DLG2: variants seen among roughly 807,000 people sequenced by gnomAD.
DLG2 encodes discs large MAGUK scaffold protein 2, also known as disks large homolog 2.
A neutral mutation model predicts 132.5 loss-of-function variants in DLG2; 45 were observed. The ratio of observed to expected loss-of-function variants is 0.34; its 90% CI spans 0.27 to 0.44. DLG2 has a LOEUF of 0.44. DLG2 is among the 20% of genes least tolerant of loss of function. DLG2 has a pLI of 1.00. For missense variants in DLG2, 1,045 were observed against 1,196.9 expected (o/e 0.87, Z 1.87); for synonymous variants, 424 against 419.6 (o/e 1.01, Z -0.13).
intron 7 of DLG2, among the ~76,000 whole-genome samples, chr11:84,362,885 A>G (rs894020567): frequency 1.9e-4 from 29 of 152,180 alleles, no homozygotes; most frequent in Non-Finnish European, 3.2e-4. Context: ...TATATGTGCC[A>G]TATTTTCTTA....
intron 17 of DLG2, among the ~76,000 whole-genome samples, chr11:83,797,165 G>A (rs754431523): frequency 1.3e-5 from 2 of 152,104 alleles, no homozygotes; most frequent in Non-Finnish European, 2.9e-5. Flanking sequence ...GGAAGCAGTT[G>A]TTACTGAAGG....
chr11:84,246,705 T>C (rs1215984821), intron 8 of DLG2, among the ~76,000 whole-genome samples: 2 of 152,124 alleles, frequency 1.3e-5, no homozygotes, highest in African/African-American at 4.8e-5. Flanking sequence ...TGCCTGATAG[T>C]TAAGATGGAA....
At chr11:84,897,530 G>T (rs1024514871) in intron 6 of DLG2, among the ~76,000 whole-genome samples, 6 of 151,754 alleles carry the variant, frequency 4.0e-5, no homozygotes, top group Admixed American at 6.6e-5. Context: ...AATCTATCCT[G>T]GTATCTGGCA....
At chr11:84,857,756 C>G (rs1198117928) in intron 6 of DLG2, among the ~76,000 whole-genome samples, 1 of 152,040 alleles carries the variant, frequency 6.6e-6, no homozygotes, top group Non-Finnish European at 1.5e-5. Flanking sequence ...TCTGTACTTT[C>G]ACATCTTGTC....
chr11:84,197,816 G>C (rs1384531943), intron 8 of DLG2, among the ~76,000 whole-genome samples: 1 of 152,024 alleles, frequency 6.6e-6, no homozygotes, highest in Non-Finnish European at 1.5e-5. Flanking sequence ...AAATAATTCT[G>C]GTCACGTTTT....
chr11:84,478,149 G>T (rs1203894565), intron 7 of DLG2, among the ~76,000 whole-genome samples: 1 of 152,008 alleles, frequency 6.6e-6, no homozygotes, highest in African/African-American at 2.4e-5. Context: ...ACAGTGCATT[G>T]TTCATTATTA....
At chr11:84,986,684 G>A (rs891553113) in intron 6 of DLG2, among the ~76,000 whole-genome samples, 7 of 152,174 alleles carry the variant, frequency 4.6e-5, no homozygotes, top group South Asian at 2.1e-4. Context: ...CAATAGATGC[G>A]GAAAAAGCAT....
chr11:83,539,970 T>C (rs188855645), intron 20 of DLG2, among the ~76,000 whole-genome samples: 98 of 152,296 alleles, frequency 6.4e-4, no homozygotes, highest in Non-Finnish European at 1.1e-3. Flanking sequence ...GTCAGAAAAC[T>C]GTATAGTTCA....
intron 7 of DLG2, among the ~76,000 whole-genome samples, chr11:84,300,352 C>T (rs1567219100): frequency 6.6e-6 from 1 of 151,806 alleles, no homozygotes; most frequent in East Asian, 1.9e-4. Flanking sequence ...TCACTTATAT[C>T]AGGGTGAAAA....
chr11:83,736,076 C>T (rs770838236), intron 18 of DLG2, among the ~76,000 whole-genome samples: 9 of 152,150 alleles, frequency 5.9e-5, no homozygotes, highest in Non-Finnish European at 1.3e-4. Context: ...CAAATATTGA[C>T]ATTTTTCATA....
At chr11:84,313,077 G>C (rs1320404669) in intron 7 of DLG2, among the ~76,000 whole-genome samples, 1 of 152,086 alleles carries the variant, frequency 6.6e-6, no homozygotes, top group Non-Finnish European at 1.5e-5. Context: ...CCAAAGTGCT[G>C]GGATTACAGG....
intron 6 of DLG2, among the ~76,000 whole-genome samples, chr11:84,725,088 A>AT (rs1213332150): frequency 3.9e-5 from 6 of 152,306 alleles, no homozygotes; most frequent in African/African-American, 1.2e-4. Context: ...GAGAATATTG[A>AT]TAACAGTAAT....
At chr11:85,107,224 C>T (rs897323972) in intron 6 of DLG2, among the ~76,000 whole-genome samples, 6 of 151,942 alleles carry the variant, frequency 3.9e-5, no homozygotes, top group African/African-American at 1.4e-4. Context: ...AAACTCCTTT[C>T]CCAGCATTAA....
intron 6 of DLG2, among the ~76,000 whole-genome samples, chr11:84,971,722 A>G (rs545524872): frequency 3.3e-5 from 5 of 152,296 alleles, no homozygotes; most frequent in East Asian, 3.9e-4. Context: ...CCCTACAGTC[A>G]TGTTAAATGA....
chr11:85,625,942 G>C (rs1046974393), intron 2 of DLG2, among the ~76,000 whole-genome samples: 15 of 152,142 alleles, frequency 9.9e-5, no homozygotes, highest in Admixed American at 2.6e-4. Flanking sequence ...ACTAGATCTT[G>C]ATCAATTCCA....
chr11:84,769,949 CATT>C (rs1289664517), intron 6 of DLG2, among the ~76,000 whole-genome samples: 2 of 152,132 alleles, frequency 1.3e-5, no homozygotes, highest in Non-Finnish European at 2.9e-5. Context: ...ATAAGAGTAA[CATT>C]ATAAGAGATC....
intron 7 of DLG2, among the ~76,000 whole-genome samples, chr11:84,375,810 T>C (rs1425012713): frequency 6.6e-6 from 1 of 152,090 alleles, no homozygotes; most frequent in Non-Finnish European, 1.5e-5. Flanking sequence ...TACACACATT[T>C]ATCTTAGATT....
intron 3 of DLG2, among the ~76,000 whole-genome samples, chr11:85,540,720 G>C (rs2075907251): frequency 6.6e-6 from 1 of 152,226 alleles, no homozygotes; most frequent in African/African-American, 2.4e-5. Flanking sequence ...AGCACACTGT[G>C]ACACACACCC....
intron 11 of DLG2, among the ~76,000 whole-genome samples, chr11:84,026,449 C>G (rs1343226218): frequency 6.6e-6 from 1 of 152,034 alleles, no homozygotes; most frequent in East Asian, 1.9e-4. Flanking sequence ...GACTTCAGGA[C>G]TTGCATAGTT....
Sources: allele counts gnomAD v4.1 joint callset (sites outside exome capture counted in the v4.1 genomes callset), GRCh38; gene constraint gnomAD v4.1.1; transcripts MANE v1.5; gene names NCBI Gene and HGNC (gene_info 2026-07-23, HGNC 2026-07-21).